The following MBD5 variants were observed in gnomAD, a reference collection of about 807,000 sequenced individuals.
MBD5 encodes methyl-CpG-binding domain protein 5.
MBD5 carries 13 observed loss-of-function variants against 117.3 expected under a neutral mutation model. The observed-to-expected ratio is 0.11, with a 90% CI of 0.07 to 0.18. The LOEUF is 0.18. Among genes scored for constraint, MBD5 ranks in the 10% least tolerant of loss-of-function variants. The probability of loss-of-function intolerance (pLI) is 1.00; values close to 1 mark genes in which losing one functional copy is unlikely to be tolerated. For synonymous variants in MBD5, 727 were observed against 766.4 expected, an observed-to-expected ratio of 0.95 and a Z score of 0.85; for missense variants, 1,879 against 2,093.8, an observed-to-expected ratio of 0.90 and a Z score of 2.00.
In MBD5 at chr2:148,357,185, T is replaced by C. The variant is rs142679909; in HGVS notation, c.-557+14849T>C. Among the ~76,000 whole-genome samples the C allele has an allele frequency of 1.6e-3, 243 of 152,294 alleles. 2 individuals are homozygous for C. In the East Asian group the frequency reaches 0.018, roughly 11 times the overall value. On this transcript the variant is annotated intron_variant, in intron 4 of 13. Coordinates refer to ENST00000642680, the MANE Select transcript of MBD5 (RefSeq NM_001378120.1). ...ACTCTACATGAGACACTGTTTAAAA[T>C]TGACATTTTGTACCACTTTCCTAAC...
rs1681480899 is a variant in MBD5 at position 148,490,265 on chromosome 2, C to G, written c.4633C>G (p.Leu1545Val). The change falls in exon 11 of 14, where the codon CTG (leucine) becomes GTG (valine). Residue 1545 changes from leucine (L) to valine (V), a missense_variant. Coordinates refer to ENST00000642680, the MANE Select transcript of MBD5 (RefSeq NM_001378120.1). ...GCTGCTAAGCACTGCAAAGCAAGAC[C>G]TGGTCCTAGAGGAGCAGTCTCCAAG... is the stretch of plus-strand genomic sequence containing the variant. ...GELLSTAKQDLVLEEQSPSSS... is the reference protein window; with the variant it reads ...GELLSTAKQDVVLEEQSPSSS... The G allele has an allele frequency of 6.2e-7, 1 of 1,614,174 alleles. No homozygotes were observed. Among genetic ancestry groups the G allele is most frequent in the South Asian group, 1.1e-5 (1 of 91,074 alleles).
intron 3 of MBD5, among the ~76,000 whole-genome samples, chr2:148,312,121 T>A (rs926270140): frequency 6.6e-6 from 1 of 152,178 alleles, no homozygotes; most frequent in Non-Finnish European, 1.5e-5. Flanking sequence ...CTGACCATTA[T>A]GTGTCTTGTG....
At chr2:148,391,977 A>AT (rs1159890009) in intron 4 of MBD5, among the ~76,000 whole-genome samples, 7 of 152,070 alleles carry the variant, frequency 4.6e-5, no homozygotes, top group African/African-American at 9.7e-5. Context: ...AAACTTAATA[A>AT]TTTTTTGTTG....
chr2:148,208,889 A>G (rs1321863583), intron 2 of MBD5, among the ~76,000 whole-genome samples: 1 of 152,174 alleles, frequency 6.6e-6, no homozygotes, highest in Non-Finnish European at 1.5e-5. Flanking sequence ...TCTATAAATT[A>G]TAATCAAAGG....
At chr2:148,165,610 A>G (rs908796768) in intron 1 of MBD5, among the ~76,000 whole-genome samples, 1 of 152,048 alleles carries the variant, frequency 6.6e-6, no homozygotes, top group Admixed American at 6.6e-5. Flanking sequence ...ACTAAGATTA[A>G]TTTACATGTA....
At chr2:148,038,136 A>G (rs938947125) in intron 1 of MBD5, among the ~76,000 whole-genome samples, 3 of 152,046 alleles carry the variant, frequency 2.0e-5, no homozygotes, top group Non-Finnish European at 2.9e-5. Context: ...AATATCTGCC[A>G]TAAGAAATAA....
At chr2:148,297,148 A>G (rs1182100054) in intron 3 of MBD5, among the ~76,000 whole-genome samples, 2 of 151,982 alleles carry the variant, frequency 1.3e-5, no homozygotes, top group Non-Finnish European at 2.9e-5. Context: ...GCCTCCCAAC[A>G]TGCTGGGATT....
chr2:148,132,781 G>C (rs1412644983), intron 1 of MBD5, among the ~76,000 whole-genome samples: 7 of 152,116 alleles, frequency 4.6e-5, no homozygotes, highest in African/African-American at 7.2e-5. Flanking sequence ...CATTTTTCAA[G>C]ATATTTTGGA....
In MBD5 at chr2:148,468,444, T is replaced by G; in HGVS notation, c.501T>G (p.Pro167=). ...CTGTAATGCCTGAATGTAAGAATCC[T>G]TTCAAGTTAATGATTGGATCATCAA... ...TNSVMPECKN[P]FKLMIGSSNA... Residue 167 remains proline (P), a synonymous_variant, in exon 8 of 14, where the codon CCT becomes CCG. Transcript: ENST00000642680. 6.2e-7 allele frequency: 1 copy of G among 1,613,730 alleles called. No individual in the cohort carries two copies. Among genetic ancestry groups the G allele is most frequent in the Non-Finnish European group, 8.5e-7 (1 of 1,179,764 alleles).
In MBD5 at chr2:148,458,784, G is replaced by T. The variant is rs752999235; in HGVS notation, c.26G>T (p.Gly9Val). MNGGKECD[G>V]GDKEGGLPAI... The stretch of plus-strand genomic sequence containing the variant: ...ATGAATGGAGGCAAAGAGTGTGACG[G>T]AGGGGACAAGGAAGGAGGTCTTCCA... Residue 9 changes from glycine to valine, a missense_variant, in exon 5 of 14, where the codon GGA (glycine) becomes GTA (valine). This residue lies in a region of MBD5 where 71 missense variants were observed against 129.2 expected (regional missense o/e 0.55). Transcript: ENST00000642680. The T allele has an allele frequency of 6.2e-7, 1 of 1,613,672 alleles. No individual in the cohort carries two copies. The highest frequency in any genetic ancestry group is 8.5e-7 in the Non-Finnish European group (1 of 1,179,686).
At chr2:148,476,806 A>T (rs1680980175) in intron 8 of MBD5, among the ~76,000 whole-genome samples, 1 of 152,196 alleles carries the variant, frequency 6.6e-6, no homozygotes, top group East Asian at 1.9e-4. Flanking sequence ...CATATTCATA[A>T]TCTAGAAACT....
chr2:148,273,583 A>T (rs1318031934), intron 3 of MBD5, among the ~76,000 whole-genome samples: 2 of 152,142 alleles, frequency 1.3e-5, no homozygotes, highest in Non-Finnish European at 2.9e-5. Flanking sequence ...AAACAGTGCA[A>T]GAATACAGCT....
chr2:148,316,008 A>T (rs1216196281), intron 3 of MBD5, among the ~76,000 whole-genome samples: 1 of 152,180 alleles, frequency 6.6e-6, no homozygotes, highest in Non-Finnish European at 1.5e-5. Context: ...ATCATTGTAG[A>T]AGGTGAAGGG....
intron 3 of MBD5, among the ~76,000 whole-genome samples, chr2:148,233,976 T>C (rs1413651856): frequency 6.6e-6 from 1 of 152,190 alleles, no homozygotes; most frequent in Non-Finnish European, 1.5e-5. Flanking sequence ...TGACAGCTCC[T>C]ATTGCTCCCA....
At chr2:148,194,763 G>A (rs1189355302) in intron 2 of MBD5, among the ~76,000 whole-genome samples, 17 of 124,428 alleles carry the variant, frequency 1.4e-4, no homozygotes, top group African/African-American at 2.0e-4. Context: ...AGTATAATAA[G>A]AAAAAAAAAA....
intron 4 of MBD5, among the ~76,000 whole-genome samples, chr2:148,361,724 C>G (rs1344547709): frequency 6.6e-6 from 1 of 152,196 alleles, no homozygotes; most frequent in Non-Finnish European, 1.5e-5. Context: ...ATGGTGGTGG[C>G]TGCCAAGATG....
rs140334199 is a variant in MBD5 at position 148,069,055 on chromosome 2, T to A, written c.-925+47371T>A. Among the ~76,000 whole-genome samples the A allele has an allele frequency of 2.4e-3, 368 of 152,286 alleles. 2 individuals are homozygous for A. Among genetic ancestry groups the A allele is most frequent in the African/African-American group, 8.2e-3 (341 of 41,566 alleles). The stretch of plus-strand genomic sequence containing the variant: ...ATTTTTGTCTGTGTTACAGAAACAA[T>A]GTGTCTTCTCTTTTGGAAAATTAAA... On this transcript the variant is annotated intron_variant, in intron 1 of 13. Transcript: ENST00000642680.
intron 4 of MBD5, among the ~76,000 whole-genome samples, chr2:148,367,106 C>T (rs1436233946): frequency 1.3e-5 from 2 of 152,158 alleles, no homozygotes; most frequent in Non-Finnish European, 1.5e-5. Flanking sequence ...ATGAAAACAG[C>T]ATGGTACTGG....
intron 3 of MBD5, among the ~76,000 whole-genome samples, chr2:148,251,075 AC>A (rs748181665): frequency 2.0e-5 from 3 of 152,130 alleles, no homozygotes; most frequent in Non-Finnish European, 2.9e-5. Context: ...TGCTATAGGT[AC>A]TAAAAAACGC....
Sources: gnomAD v4.1 joint callset for allele counts (sites outside exome capture counted in the v4.1 genomes callset) on GRCh38, gnomAD v4.1.1 for gene constraint, gnomAD v4.1.1 regional missense constraint, MANE v1.5 for transcripts, NCBI Gene and HGNC (gene_info 2026-07-23, HGNC 2026-07-21) for gene names.